The following ACP7 variants were observed in gnomAD, a reference collection of about 807,000 sequenced individuals.
ACP7 encodes acid phosphatase type 7.
A neutral mutation model predicts 60.6 loss-of-function variants in ACP7; 58 were observed. The observed-to-expected ratio is 0.96, with a 90% CI of 0.77 to 1.19. The LOEUF (loss-of-function observed/expected upper bound fraction) is 1.19. Among genes scored for constraint, ACP7 ranks in the 50% most tolerant of loss-of-function variants. ACP7 has a pLI of 0.00. For missense variants in ACP7, 574 were observed against 596.2 expected, an observed-to-expected ratio of 0.96 and a Z score of 0.39; for synonymous variants, 237 against 232.6, an observed-to-expected ratio of 1.02 and a Z score of -0.17.
chr19:39,100,245 T>G lies in ACP7; in HGVS notation c.524T>G (p.Leu175Arg). ...CCCCCAGGAGACTTTGCCTACAACC[T>G]GGATCAGGACAACGCCCGTGTTGGG... is the stretch of plus-strand genomic sequence containing the variant. Reference protein sequence around the residue: ...VLHVGDFAYNLDQDNARVGDR... With the variant: ...VLHVGDFAYNRDQDNARVGDR... Residue 175 changes from leucine (L) to arginine (R), a missense_variant, in exon 5 of 13, where the codon CTG becomes CGG. Leu to Arg is a moderately radical substitution (Grantham distance 102). Coordinates refer to ENST00000331256, the MANE Select transcript of ACP7 (RefSeq NM_001004318.3). The G allele has an allele frequency of 6.2e-7, 1 of 1,613,996 alleles. No individual in the cohort carries two copies. Among genetic ancestry groups the G allele is most frequent in the Non-Finnish European group, 8.5e-7 (1 of 1,179,964 alleles).
chr19:39,098,275 A>AAAAAAAAAAG (rs2073292655), intron 2 of ACP7, among the ~76,000 whole-genome samples, 183 bp from the exon 3 acceptor site: 3 of 126,632 alleles, frequency 2.4e-5, no homozygotes, highest in African/African-American at 5.9e-5. Context: ...AAAAAAAAAA[A>AAAAAAAAAAG]AAAAGAAAAG....
At position 39,098,547 on chromosome 19, in the gene ACP7, C is replaced by A; in HGVS notation, c.211C>A (p.Pro71Thr). 1 of 1,612,964 alleles carries A rather than the reference C, an allele frequency of 6.2e-7. No homozygotes were observed. The highest frequency in any genetic ancestry group is 1.1e-5 in the South Asian group (1 of 90,782). The change falls in exon 3 of 13, where the codon CCC (proline) becomes ACC (threonine). Residue 71 changes from proline (P) to threonine (T), a missense_variant. Coordinates refer to ENST00000331256, the MANE Select transcript of ACP7 (RefSeq NM_001004318.3). ...QFGLQPSGPL[P>T]LRAQGTFVPF... ...CGGGTTGCAGCCGTCGGGGCCCCTG[C>A]CCCTCCGCGCCCAGGGCACCTTCGT... is the stretch of plus-strand genomic sequence containing the variant.
chr19:39,105,525 A>G (rs531793233), intron 11 of ACP7, among the ~76,000 whole-genome samples: 29 of 152,210 alleles, frequency 1.9e-4, no homozygotes, highest in Non-Finnish European at 3.5e-4. Context: ...AAGGAGGCGC[A>G]TGGTGTCTTT....
At chr19:39,088,726 GGTTTGTTT>G (rs72337815) in intron 2 of ACP7, among the ~76,000 whole-genome samples, 60,363 of 149,790 alleles carry the variant, frequency 0.4, 12,483 homozygotes, top group African/African-American at 0.49. Flanking sequence ...GATCTTTGTG[GGTTTGTTT>G]GTTTGTTTGT....
intron 11 of ACP7, 131 bp from the exon 12 acceptor site, chr19:39,106,816 G>C: frequency 9.0e-7 from 1 of 1,112,980 alleles, no homozygotes; most frequent in Admixed American, 2.3e-5. Context: ...GAGCCACTGC[G>C]CCCGGCCTCT....
intron 2 of ACP7, among the ~76,000 whole-genome samples, chr19:39,087,441 G>C (rs755328492): frequency 6.6e-6 from 1 of 152,034 alleles, no homozygotes; most frequent in Non-Finnish European, 1.5e-5. Flanking sequence ...GCACAGACAT[G>C]TGGTTGAAAC....
At chr19:39,093,165 T>C (rs1213587001) in intron 2 of ACP7, among the ~76,000 whole-genome samples, 1 of 128,908 alleles carries the variant, frequency 7.8e-6, no homozygotes, top group Admixed American at 7.6e-5. Context: ...TCTCTTTCTT[T>C]CTTTCTCTCC....
chr19:39,104,866 C>G (rs1375950924), intron 11 of ACP7, among the ~76,000 whole-genome samples: 1 of 151,890 alleles, frequency 6.6e-6, no homozygotes, highest in Non-Finnish European at 1.5e-5. Flanking sequence ...GCCTGGGCAA[C>G]AAGAGCAAAA....
rs145686166 is a variant in ACP7, at chr19:39,100,977, C to T, written c.836C>T (p.Pro279Leu). ...GCCAATAAGAACCGGGCAGCCCGGC[C>T]GTGGATCATCACTATGGGGCACCGG... ...QKANKNRAAR[P>L]WIITMGHRPM... is the part of the protein sequence containing the mutation. Residue 279 changes from proline (P) to leucine (L), a missense_variant, in exon 8 of 13, where the codon CCG becomes CTG. Coordinates refer to ENST00000331256, the MANE Select transcript of ACP7 (RefSeq NM_001004318.3). 69 of 1,613,620 alleles carry T rather than the reference C, an allele frequency of 4.3e-5. No homozygotes were observed. Among genetic ancestry groups the T allele is most frequent in the Middle Eastern group, 1.6e-4 (1 of 6,084 alleles).
chr19:39,098,844 G>C (rs2073303097), intron 3 of ACP7, 116 bp from the exon 4 acceptor site: 1 of 1,463,012 alleles, frequency 6.8e-7, no homozygotes, highest in Non-Finnish European at 9.2e-7. Flanking sequence ...AAGGGGCATG[G>C]GCCAGCCCCC....
intron 11 of ACP7, among the ~76,000 whole-genome samples, chr19:39,105,922 T>C (rs1290028922): frequency 6.6e-6 from 1 of 152,192 alleles, no homozygotes; most frequent in Non-Finnish European, 1.5e-5. Context: ...TAGGGAGGTA[T>C]CAGCCAGCCA....
chr19:39,097,795 T>C (rs2073284045), intron 2 of ACP7, among the ~76,000 whole-genome samples: 1 of 152,034 alleles, frequency 6.6e-6, no homozygotes, highest in South Asian at 2.1e-4. Context: ...TAATACTCAT[T>C]CCCGCATATA....
chr19:39,102,731 C>CT lies in ACP7; in HGVS notation c.1113+1197dup, dbSNP rs753805130. On this transcript the variant is annotated intron_variant, in intron 11 of 12. Coordinates refer to ENST00000331256, the MANE Select transcript of ACP7 (RefSeq NM_001004318.3). ...AATGAAGACTTTTCTTTCTTTCTTTCTTTCTTTCTTTCTTTCTTTCTTTCT... is the reference window on the plus strand; with the variant it reads ...AATGAAGACTTTTCTTTCTTTCTTTCTTTTCTTTCTTTCTTTCTTTCTTTCT... Among the ~76,000 whole-genome samples the CT allele has an allele frequency of 1.9e-4, 15 of 80,526 alleles. No homozygotes were observed. The East Asian group carries it at 3.5e-3, about 19-fold the overall frequency. The allele number at this position is 80,526 out of a possible 152,430, so 52.8% of individuals were successfully genotyped here.
chr19:39,099,039 C>T lies in ACP7; in HGVS notation c.402C>T (p.Pro134=), dbSNP rs755025539. The T allele has an allele frequency of 1.2e-6, 2 of 1,613,108 alleles. No homozygotes were observed. Among genetic ancestry groups the T allele is most frequent in the South Asian group, 1.1e-5 (1 of 91,012 alleles). The change falls in exon 4 of 13, where the codon CCC becomes CCT. Residue 134 remains proline (P), a synonymous_variant. Coordinates refer to ENST00000331256, the MANE Select transcript of ACP7 (RefSeq NM_001004318.3). Reference sequence around the variant, plus strand: ...TCAAGAATGGGGCCCACTGGAGTCCCCGTCTGGCTGTGTTTGGAGACCTGG... The same window carrying T: ...TCAAGAATGGGGCCCACTGGAGTCCTCGTCTGGCTGTGTTTGGAGACCTGG... ...RALKNGAHWS[P]RLAVFGDLGA...
chr19:39,094,760 G>T (rs113215185), intron 2 of ACP7, among the ~76,000 whole-genome samples: 4,521 of 152,242 alleles, frequency 0.03, 207 homozygotes, highest in African/African-American at 0.1. Context: ...CCAGGAGGCA[G>T]GGTATATTAG....
intron 2 of ACP7, among the ~76,000 whole-genome samples, chr19:39,088,509 TC>T (rs1162164421): frequency 6.6e-6 from 1 of 152,222 alleles, no homozygotes; most frequent in African/African-American, 2.4e-5. Flanking sequence ...ATCATGGCTG[TC>T]CTTTTTCAGC....
intron 5 of ACP7, 36 bp downstream of exon 5, chr19:39,100,386 G>C: frequency 1.2e-6 from 2 of 1,610,702 alleles, no homozygotes; most frequent in South Asian, 2.2e-5. Context: ...GGCGAGGGCT[G>C]GATCAATGGA....
In ACP7 at chr19:39,098,460, G is replaced by A. The variant is rs1342196349; in HGVS notation, c.124G>A (p.Glu42Lys). The A allele has an allele frequency of 6.5e-7, 1 of 1,545,842 alleles. No homozygotes were observed. Among genetic ancestry groups the A allele is most frequent in the Non-Finnish European group, 8.7e-7 (1 of 1,147,482 alleles). Residue 42 changes from glutamate to lysine, a missense_variant and splice_region_variant, in exon 3 of 13, where the codon GAG becomes AAG. By Grantham distance (56) the Glu-to-Lys change is moderately conservative. Transcript: ENST00000331256. ...PEQVHLSYPG[E>K]PGSMTVTWTT... is the part of the protein sequence containing the mutation. ...ACCCTCTGTCCCTTTCTCCCCAGGT[G>A]AGCCAGGCTCCATGACTGTAACTTG...
intron 11 of ACP7, among the ~76,000 whole-genome samples, chr19:39,105,377 A>G (rs1170259264): frequency 6.6e-6 from 1 of 152,050 alleles, no homozygotes; most frequent in Non-Finnish European, 1.5e-5. Context: ...TGACCTTGAC[A>G]ATTTTGAAAA....
Sources: gnomAD v4.1 joint callset for allele counts (sites outside exome capture counted in the v4.1 genomes callset) on GRCh38, gnomAD v4.1.1 for gene constraint, MANE v1.5 for transcripts, NCBI Gene and HGNC (gene_info 2026-07-23, HGNC 2026-07-21) for gene names.